WDR1: variants seen among roughly 807,000 people sequenced by gnomAD.
WDR1 encodes WD repeat-containing protein 1.
Under a neutral mutation model 71.9 loss-of-function variants are expected in WDR1, and 21 were observed. The ratio of observed to expected loss-of-function variants is 0.29; its 90% CI spans 0.21 to 0.42. The LOEUF is 0.42. Among genes scored for constraint, WDR1 ranks in the 10% least tolerant of loss-of-function variants. The probability of loss-of-function intolerance (pLI) is 1.00; values close to 1 mark genes in which losing one functional copy is unlikely to be tolerated. For missense variants in WDR1, 696 were observed against 824.5 expected, an observed-to-expected ratio of 0.84 and a Z score of 1.91; for synonymous variants, 424 against 347.4, an observed-to-expected ratio of 1.22 and a Z score of -2.45.
intron 3 of WDR1, among the ~76,000 whole-genome samples, chr4:10,102,691 C>T (rs1712747526): frequency 6.6e-6 from 1 of 152,206 alleles, no homozygotes; most frequent in Non-Finnish European, 1.5e-5. Context: ...TCTTCCCCAA[C>T]CCCAAGGCCT....
At chr4:10,091,968 A>C (rs1183752780) in intron 5 of WDR1, 1 of 152,166 alleles carries the variant, frequency 6.6e-6, no homozygotes. Flanking sequence ...ATGCACCACT[A>C]CTCCTTCCAG....
At chr4:10,101,468 A>T (rs991674120) in intron 3 of WDR1, among the ~76,000 whole-genome samples, 5 of 152,202 alleles carry the variant, frequency 3.3e-5, no homozygotes, top group African/African-American at 1.2e-4. Flanking sequence ...AAGCCTTAAC[A>T]ATTGCTTCGC....
chr4:10,106,095 G>A (rs1203144944), intron 2 of WDR1, among the ~76,000 whole-genome samples: 2 of 152,050 alleles, frequency 1.3e-5, no homozygotes, highest in Non-Finnish European at 2.9e-5. Context: ...CAGCTGCTGG[G>A]GGTGAGGGTG....
intron 5 of WDR1, 57 bp from the exon 6 acceptor site, chr4:10,088,798 A>G: frequency 1.5e-6 from 2 of 1,329,336 alleles, no homozygotes; most frequent in African/African-American, 2.9e-5. Flanking sequence ...TCTAGGTTCA[A>G]GAATGCTCTC....
chr4:10,109,868 G>A (rs1019343020), intron 2 of WDR1, among the ~76,000 whole-genome samples: 12 of 152,326 alleles, frequency 7.9e-5, no homozygotes, highest in African/African-American at 2.6e-4. Context: ...GGGCAGTCAT[G>A]AAGACAAGAG....
At chr4:10,079,373 G>A (rs1318939582) in intron 11 of WDR1, among the ~76,000 whole-genome samples, 2 of 152,266 alleles carry the variant, frequency 1.3e-5, no homozygotes, top group African/African-American at 2.4e-5. Context: ...CCCTAGGCAC[G>A]TGCCAGCGCT....
At chr4:10,078,866 C>T (rs747432855) in intron 12 of WDR1, 25 bp downstream of exon 12, 3 of 1,590,434 alleles carry the variant, frequency 1.9e-6, no homozygotes, top group Non-Finnish European at 2.6e-6. Flanking sequence ...GGACAGAGAG[C>T]ACGGGGGAGA....
At chr4:10,075,741 G>T (rs1429615315) in intron 14 of WDR1, 5 of 555,516 alleles carry the variant, frequency 9.0e-6, no homozygotes, top group South Asian at 2.1e-5. Flanking sequence ...TCCACCTACA[G>T]ATGCCAGTGG....
intron 8 of WDR1, among the ~76,000 whole-genome samples, chr4:10,086,117 CTG>C (rs1364610698): frequency 6.6e-6 from 1 of 152,200 alleles, no homozygotes; most frequent in East Asian, 1.9e-4. Context: ...TCATGGGAAA[CTG>C]TTTTTCTGGG....
At chr4:10,097,474 T>G (rs893156649) in intron 5 of WDR1, among the ~76,000 whole-genome samples, 4 of 152,204 alleles carry the variant, frequency 2.6e-5, no homozygotes, top group Admixed American at 2.6e-4. Flanking sequence ...GCACACATCA[T>G]CCTAGGGCAG....
At chr4:10,089,925 G>T (rs1360233760) in intron 5 of WDR1, among the ~76,000 whole-genome samples, 2 of 152,276 alleles carry the variant, frequency 1.3e-5, no homozygotes, top group East Asian at 3.9e-4. Context: ...TCAGAAACAG[G>T]GTCTTTGCAG....
At position 10,081,516 on chromosome 4, in the gene WDR1, T is replaced by C. The variant is rs767385913; in HGVS notation, c.1197-72A>G. ...AGGGTAGGTATGCATACATATTTAC[T>C]GTTAAACCACAGTTTTGCTCCTTAG... On this transcript the variant is annotated intron_variant, in intron 10 of 14. Transcript: ENST00000499869. 9.8e-4 allele frequency: 1,406 copies of C among 1,429,058 alleles called. 26 individuals carry two copies. Among genetic ancestry groups the C allele is most frequent in the Admixed American group, 6.0e-4 (35 of 58,416 alleles). The allele number at this position is 1,429,058 out of a possible 1,614,324, so 88.5% of individuals were successfully genotyped here. A position where few individuals can be genotyped will look rare whatever the true frequency, so the allele number is the denominator to read the frequency against.
At chr4:10,110,591 T>C (rs1484079341) in intron 2 of WDR1, among the ~76,000 whole-genome samples, 1 of 152,056 alleles carries the variant, frequency 6.6e-6, no homozygotes, top group Non-Finnish European at 1.5e-5. Flanking sequence ...TTATTCATCC[T>C]TCAAGACCCA....
intron 9 of WDR1, 34 bp from the exon 10 acceptor site, chr4:10,083,212 G>A: frequency 6.2e-7 from 1 of 1,601,694 alleles, no homozygotes; most frequent in South Asian, 1.1e-5. Flanking sequence ...CCGGCTCCCA[G>A]GACTGCTGGG....
intron 5 of WDR1, among the ~76,000 whole-genome samples, chr4:10,093,346 C>T (rs911495037): frequency 2.0e-5 from 3 of 152,226 alleles, no homozygotes; most frequent in Non-Finnish European, 4.4e-5. Context: ...AAGCCCAGCA[C>T]GGGCCTCCAC....
At chr4:10,096,784 C>T (rs1712374447) in intron 5 of WDR1, among the ~76,000 whole-genome samples, 1 of 106,262 alleles carries the variant, frequency 9.4e-6, no homozygotes, top group Non-Finnish European at 2.2e-5. Context: ...AGTGAAACCA[C>T]TGACGGTTCC....
At position 10,087,884 on chromosome 4, in the gene WDR1, G is replaced by T; in HGVS notation, c.774C>A (p.Ser258=). ...AGTTCACGCTGACGTCCCAAATCTT[G>T]GAAGTTTTGTCCCCAGAAGCAGAAA... ...HLLSASGDKT[S]KIWDVSVNSV... is the part of the protein sequence containing the mutation. The change falls in exon 8 of 15, where the codon TCC becomes TCA. Residue 258 remains serine, a synonymous_variant. Coordinates refer to ENST00000499869, the MANE Select transcript of WDR1 (RefSeq NM_017491.5). The T allele has an allele frequency of 6.4e-7, 1 of 1,564,678 alleles. No individual in the cohort carries two copies. The highest frequency in any genetic ancestry group is 1.9e-5 in the Admixed American group (1 of 52,616).
intron 2 of WDR1, among the ~76,000 whole-genome samples, chr4:10,109,294 C>T (rs760797349): frequency 6.6e-5 from 10 of 152,258 alleles, no homozygotes; most frequent in Non-Finnish European, 1.0e-4. Flanking sequence ...ACTAACAGCA[C>T]GGTGAGTCAA....
chr4:10,098,887 G>A, intron 4 of WDR1, 105 bp downstream of exon 4: 2 of 1,521,232 alleles, frequency 1.3e-6, no homozygotes, highest in Non-Finnish European at 1.8e-6. Flanking sequence ...ACCCTCACGA[G>A]TGCAAGTTAG....
Sources: allele counts gnomAD v4.1 joint callset (sites outside exome capture counted in the v4.1 genomes callset), GRCh38; gene constraint gnomAD v4.1.1; transcripts MANE v1.5; gene names NCBI Gene and HGNC (gene_info 2026-07-23, HGNC 2026-07-21).